Variants in PIK3C2G observed in about 807,000 individuals in gnomAD.
PIK3C2G encodes the protein phosphatidylinositol-4-phosphate 3-kinase catalytic subunit type 2 gamma, also known as phosphatidylinositol 3-kinase C2 domain-containing subunit gamma.
PIK3C2G carries 168 observed loss-of-function variants against 181.1 expected under a neutral mutation model. The ratio of observed to expected loss-of-function variants is 0.93; its 90% CI spans 0.82 to 1.05. The LOEUF is 1.05. Ranked by LOEUF, PIK3C2G falls within the 50% of genes least tolerant of loss-of-function variation. The pLI is 0.00. For synonymous variants in PIK3C2G, 573 were observed against 592.2 expected (o/e 0.97, Z 0.47); for missense variants, 1,869 against 1,732.8 (o/e 1.08, Z -1.40).
At chr12:18,529,305 G>T (rs984831129) in intron 24 of PIK3C2G, among the ~76,000 whole-genome samples, 30 of 152,088 alleles carry the variant, frequency 2.0e-4, no homozygotes, top group African/African-American at 6.0e-4. Context: ...TTCTCTTTGA[G>T]TGAAAAGGCA....
At chr12:18,288,627 C>T (rs1165665514) in intron 3 of PIK3C2G, among the ~76,000 whole-genome samples, 1 of 152,170 alleles carries the variant, frequency 6.6e-6, no homozygotes, top group African/African-American at 2.4e-5. Context: ...ATAAGCTACT[C>T]ACTGTGACAA....
At chr12:18,512,121 T>C (rs918639021) in intron 24 of PIK3C2G, among the ~76,000 whole-genome samples, 1 of 152,038 alleles carries the variant, frequency 6.6e-6, no homozygotes, top group African/African-American at 2.4e-5. Flanking sequence ...AAGTTGACCA[T>C]AAATGCATGG....
chr12:18,287,208 T>A (rs1305462373), intron 3 of PIK3C2G, among the ~76,000 whole-genome samples: 1 of 152,146 alleles, frequency 6.6e-6, no homozygotes, highest in Non-Finnish European at 1.5e-5. Flanking sequence ...TGGTTTGGTT[T>A]GCAGTGAATT....
intron 24 of PIK3C2G, among the ~76,000 whole-genome samples, chr12:18,515,582 C>G (rs1475161175): frequency 6.6e-6 from 1 of 151,934 alleles, no homozygotes; most frequent in Non-Finnish European, 1.5e-5. Flanking sequence ...TTTCAAAAAT[C>G]TTTGATTTTA....
intron 1 of PIK3C2G, among the ~76,000 whole-genome samples, chr12:18,280,078 A>G (rs1949147281): frequency 6.6e-6 from 1 of 152,048 alleles, no homozygotes; most frequent in Non-Finnish European, 1.5e-5. Context: ...TCTTTACCAC[A>G]TGCACACATA....
At chr12:18,374,326 G>C (rs1382445515) in intron 13 of PIK3C2G, among the ~76,000 whole-genome samples, 1 of 152,092 alleles carries the variant, frequency 6.6e-6, no homozygotes, top group Non-Finnish European at 1.5e-5. Flanking sequence ...TTAGACAATT[G>C]CCTGAGTAGC....
chr12:18,532,882 T>A (rs1943632301), intron 24 of PIK3C2G, among the ~76,000 whole-genome samples: 1 of 125,278 alleles, frequency 8.0e-6, no homozygotes, highest in African/African-American at 3.2e-5. Flanking sequence ...AAAAGTTTGC[T>A]GTTTTTTTTT....
At chr12:18,445,392 C>A (rs915007629) in intron 18 of PIK3C2G, among the ~76,000 whole-genome samples, 1 of 150,488 alleles carries the variant, frequency 6.6e-6, no homozygotes, top group African/African-American at 2.5e-5. Flanking sequence ...TAATCATATA[C>A]TGCTTTCACC....
intron 23 of PIK3C2G, among the ~76,000 whole-genome samples, chr12:18,504,390 C>T (rs1941693415): frequency 6.6e-6 from 1 of 152,194 alleles, no homozygotes; most frequent in South Asian, 2.1e-4. Context: ...ATACATCGCT[C>T]TTCACAACCA....
At chr12:18,360,586 C>A (rs1455713804) in intron 11 of PIK3C2G, among the ~76,000 whole-genome samples, 3 of 152,102 alleles carry the variant, frequency 2.0e-5, no homozygotes, top group Admixed American at 2.0e-4. Flanking sequence ...TTTTTATTCA[C>A]CTCATAAAGT....
chr12:18,701,403 G>A, the PIK3C2G span: 5 of 1,580,936 alleles, frequency 3.2e-6, no homozygotes, highest in Non-Finnish European at 4.3e-6. Context: ...TTTATAAGAA[G>A]GAAAATGATT....
intron 2 of PIK3C2G, 88 bp downstream of exon 2, chr12:18,282,847 AAACTT>A: frequency 1.1e-6 from 1 of 896,084 alleles, no homozygotes; most frequent in Non-Finnish European, 1.6e-6. Flanking sequence ...GAAGATAACT[AAACTT>A]AAATAGGGAA....
chr12:18,434,501 T>C (rs11044111), intron 18 of PIK3C2G, among the ~76,000 whole-genome samples: 37,657 of 151,894 alleles, frequency 0.25, 4,990 homozygotes, highest in Admixed American at 0.35. Flanking sequence ...AGCATATAAT[T>C]GTAGAATCAT....
At chr12:18,516,889 C>T (rs1942586006) in intron 24 of PIK3C2G, among the ~76,000 whole-genome samples, 1 of 151,754 alleles carries the variant, frequency 6.6e-6, no homozygotes, top group Admixed American at 6.6e-5. Flanking sequence ...ATTTTTTAAA[C>T]ATTTTCTTTG....
At chr12:18,293,859 G>A (rs764485384) in intron 4 of PIK3C2G, 42 bp from the exon 5 acceptor site, 15 of 964,552 alleles carry the variant, frequency 1.6e-5, no homozygotes, top group Non-Finnish European at 2.5e-5. Flanking sequence ...GTCAGTATAT[G>A]ATACACTTTT....
chr12:18,709,447 G>C, the PIK3C2G span, among the ~76,000 whole-genome samples: 2 of 152,088 alleles, frequency 1.3e-5, no homozygotes, highest in Non-Finnish European at 2.9e-5. Context: ...AAATCAGAAA[G>C]TGTGATGCCT....
chr12:18,495,967 G>A (rs1940970499), intron 20 of PIK3C2G, 95 bp from the exon 21 acceptor site: 3 of 592,614 alleles, frequency 5.1e-6, no homozygotes, highest in Non-Finnish European at 8.7e-6. Flanking sequence ...AACAAAGTCT[G>A]CAAGGGGCTA....
At chr12:18,581,278 A>C (rs1431776550) in intron 29 of PIK3C2G, among the ~76,000 whole-genome samples, 2 of 152,230 alleles carry the variant, frequency 1.3e-5, no homozygotes, top group Admixed American at 6.5e-5. Flanking sequence ...ACATTATTAG[A>C]CATTGAAAAT....
the PIK3C2G span, among the ~76,000 whole-genome samples, chr12:18,677,318 G>A: frequency 2.0e-5 from 3 of 152,100 alleles, no homozygotes; most frequent in Non-Finnish European, 4.4e-5. Context: ...CCAGGCACAC[G>A]ACATAGGCTG....
Sources: allele counts gnomAD v4.1 joint callset (sites outside exome capture counted in the v4.1 genomes callset), GRCh38; gene constraint gnomAD v4.1.1; transcripts MANE v1.5; gene names NCBI Gene and HGNC (gene_info 2026-07-23, HGNC 2026-07-21).